The following NXPE2 variants were observed in gnomAD, a reference collection of about 807,000 sequenced individuals.
NXPE2 encodes the protein NXPE family member 2.
NXPE2 carries 34 observed loss-of-function variants against 34.4 expected under a neutral mutation model. That is an observed-to-expected ratio of 0.99 (90% confidence interval 0.75 to 1.31). The LOEUF (loss-of-function observed/expected upper bound fraction) is 1.31. Among genes scored for constraint, NXPE2 ranks in the 40% most tolerant of loss-of-function variants. The pLI, the probability that NXPE2 is intolerant of heterozygous loss-of-function variation, is 0.00. For synonymous variants in NXPE2, 235 were observed against 231.3 expected, an observed-to-expected ratio of 1.02 and a Z score of -0.15; for missense variants, 649 against 672.5, an observed-to-expected ratio of 0.97 and a Z score of 0.39.
the NXPE2 span, among the ~76,000 whole-genome samples, chr11:114,576,373 T>G: frequency 6.6e-6 from 1 of 151,978 alleles, no homozygotes; most frequent in Non-Finnish European, 1.5e-5. Flanking sequence ...AACTAAAAAC[T>G]TCTGCATAGC....
the NXPE2 span, among the ~76,000 whole-genome samples, chr11:114,729,257 T>A: frequency 6.6e-6 from 1 of 152,340 alleles, no homozygotes; most frequent in South Asian, 2.1e-4. Context: ...TTCATTCTTT[T>A]TTATGGTTGC....
chr11:114,713,425 A>G, the NXPE2 span, among the ~76,000 whole-genome samples: 1 of 152,212 alleles, frequency 6.6e-6, no homozygotes, highest in South Asian at 2.1e-4. Context: ...AAAATGAAAT[A>G]CAATTGTCCC....
At chr11:114,690,949 G>T (rs1951138024) in intron 2 of NXPE2, among the ~76,000 whole-genome samples, 2 of 151,762 alleles carry the variant, frequency 1.3e-5, no homozygotes, top group South Asian at 4.2e-4. Flanking sequence ...TTCTTTCTTA[G>T]TACAGCTATG....
the NXPE2 span, among the ~76,000 whole-genome samples, chr11:114,611,491 GATA>G: frequency 6.6e-6 from 1 of 151,952 alleles, no homozygotes; most frequent in Admixed American, 6.6e-5. Context: ...TTACCCTGTG[GATA>G]ATAAGTATTG....
At chr11:114,523,058 C>A in the NXPE2 span, 4 of 1,613,668 alleles carry the variant, frequency 2.5e-6, no homozygotes, top group Non-Finnish European at 3.4e-6. Context: ...AGGCTTCATT[C>A]CAACTTGGCA....
At chr11:114,485,426 C>T in the NXPE2 span, among the ~76,000 whole-genome samples, 2 of 124,188 alleles carry the variant, frequency 1.6e-5, no homozygotes, top group Non-Finnish European at 3.2e-5. Flanking sequence ...GACGGGGTTT[C>T]ACCATGTTGG....
At chr11:114,475,694 T>C in the NXPE2 span, among the ~76,000 whole-genome samples, 1 of 152,246 alleles carries the variant, frequency 6.6e-6, no homozygotes, top group Non-Finnish European at 1.5e-5. Context: ...AACATTTCCA[T>C]GGTTAGCTCT....
chr11:114,520,375 C>A, the NXPE2 span, among the ~76,000 whole-genome samples: 1 of 152,044 alleles, frequency 6.6e-6, no homozygotes, highest in East Asian at 1.9e-4. Context: ...TTATTTCTTT[C>A]CTTCAATATT....
At chr11:114,533,543 A>T in the NXPE2 span, among the ~76,000 whole-genome samples, 1 of 152,186 alleles carries the variant, frequency 6.6e-6, no homozygotes, top group Non-Finnish European at 1.5e-5. Flanking sequence ...TAGTCAAAGA[A>T]AGGGGTGACA....
At chr11:114,787,363 C>T in the NXPE2 span, among the ~76,000 whole-genome samples, 48 of 152,302 alleles carry the variant, frequency 3.2e-4, no homozygotes, top group South Asian at 9.3e-3. Context: ...GCAGTTCCCT[C>T]CTCTGTGGCG....
At chr11:114,617,740 CTTGGTAACCACTGTTACCA>C in the NXPE2 span, among the ~76,000 whole-genome samples, 3 of 150,822 alleles carry the variant, frequency 2.0e-5, no homozygotes, top group East Asian at 6.0e-4. Context: ...GTATTGCCTC[CTTGGTAACCACTGTTACCA>C]TGTGGATAAT....
intron 2 of NXPE2, among the ~76,000 whole-genome samples, chr11:114,691,926 G>A (rs1220703810): frequency 6.6e-6 from 1 of 152,208 alleles, no homozygotes; most frequent in Admixed American, 6.5e-5. Context: ...GACACCCACA[G>A]ACTAGTTCCA....
At chr11:114,547,476 T>G in the NXPE2 span, among the ~76,000 whole-genome samples, 3 of 152,206 alleles carry the variant, frequency 2.0e-5, no homozygotes, top group Non-Finnish European at 2.9e-5. Context: ...GGCTCACGCC[T>G]GTAATCCCAG....
At chr11:114,633,110 T>C in the NXPE2 span, among the ~76,000 whole-genome samples, 2 of 122,314 alleles carry the variant, frequency 1.6e-5, no homozygotes, top group Non-Finnish European at 3.1e-5. Flanking sequence ...TATTTTACAT[T>C]ATATTTTATA....
the NXPE2 span, among the ~76,000 whole-genome samples, chr11:114,515,771 A>ATT: frequency 1.2e-4 from 12 of 98,906 alleles, 3 homozygotes; most frequent in African/African-American, 6.3e-4. Flanking sequence ...GTCTTTCTGA[A>ATT]GTAGAGCAAT....
chr11:114,678,376 G>T, upstream of NXPE2: 1 of 469,282 alleles, frequency 2.1e-6, no homozygotes. Context: ...TTTCCTTCTG[G>T]CTCTGTGGTG....
At chr11:114,571,150 C>T in the NXPE2 span, 1 of 1,613,868 alleles carries the variant, frequency 6.2e-7, no homozygotes, top group Non-Finnish European at 8.5e-7. Flanking sequence ...CTGATGTTTT[C>T]TGTTTTGATG....
At chr11:114,756,124 C>G in the NXPE2 span, among the ~76,000 whole-genome samples, 324 of 152,222 alleles carry the variant, frequency 2.1e-3, 2 homozygotes, top group African/African-American at 7.3e-3. Flanking sequence ...CTCTTTCTTC[C>G]TGGGCCCATT....
At chr11:114,618,117 C>T in the NXPE2 span, among the ~76,000 whole-genome samples, 2 of 151,742 alleles carry the variant, frequency 1.3e-5, no homozygotes, top group Non-Finnish European at 2.9e-5. Context: ...AGTGTCGCCT[C>T]GTGGGAAACC....
Sources: allele counts gnomAD v4.1 joint callset (sites outside exome capture counted in the v4.1 genomes callset), GRCh38; gene constraint gnomAD v4.1.1; transcripts MANE v1.5; gene names NCBI Gene and HGNC (gene_info 2026-07-23, HGNC 2026-07-21).